MAGI2: variants seen among roughly 807,000 people sequenced by gnomAD.
The protein encoded by MAGI2 is membrane associated guanylate kinase, WW and PDZ domain containing 2.
Under a neutral mutation model 133.3 loss-of-function variants are expected in MAGI2, and 35 were observed. The observed-to-expected ratio is 0.26, with a 90% CI of 0.20 to 0.35. The LOEUF (loss-of-function observed/expected upper bound fraction) is 0.35. Among genes scored for constraint, MAGI2 ranks in the 10% least tolerant of loss-of-function variants. MAGI2 has a pLI of 1.00. For missense variants in MAGI2, 1,636 were observed against 1,863.4 expected (o/e 0.88, Z 2.25); for synonymous variants, 729 against 710.6 (o/e 1.03, Z -0.41).
At chr7:78,806,494 TGAGA>T (rs1788586669) in intron 2 of MAGI2, among the ~76,000 whole-genome samples, 1 of 152,156 alleles carries the variant, frequency 6.6e-6, no homozygotes, top group Non-Finnish European at 1.5e-5. Flanking sequence ...CTTTTATCAA[TGAGA>T]GAATCACATG....
At chr7:79,382,922 A>T (rs773031160) in intron 1 of MAGI2, among the ~76,000 whole-genome samples, 8 of 151,614 alleles carry the variant, frequency 5.3e-5, no homozygotes, top group Non-Finnish European at 8.9e-5. Context: ...CTGAAAAACA[A>T]ATCTTTGTAG....
At chr7:78,619,496 TTTAAG>T (rs773398379) in intron 3 of MAGI2, among the ~76,000 whole-genome samples, 1 of 151,966 alleles carries the variant, frequency 6.6e-6, no homozygotes, top group Non-Finnish European at 1.5e-5. Context: ...GATATTAGTC[TTTAAG>T]TTAATAATTT....
chr7:78,603,586 G>A (rs1483188073), intron 3 of MAGI2, among the ~76,000 whole-genome samples: 2 of 152,118 alleles, frequency 1.3e-5, no homozygotes, highest in Non-Finnish European at 2.9e-5. Flanking sequence ...TGCACGACGC[G>A]ATGTCAGCTC....
intron 20 of MAGI2, among the ~76,000 whole-genome samples, chr7:78,122,383 T>C: frequency 6.6e-6 from 1 of 152,148 alleles, no homozygotes; most frequent in East Asian, 1.9e-4. Context: ...TTTCAGGGAA[T>C]GTTGCTTTTC....
At chr7:78,033,430 G>T (rs1180268866) in intron 21 of MAGI2, among the ~76,000 whole-genome samples, 3 of 141,446 alleles carry the variant, frequency 2.1e-5, no homozygotes, top group Non-Finnish European at 4.5e-5. Context: ...CCATGATCAT[G>T]CCACTGCACT....
At chr7:78,526,070 C>T (rs1013921323) in intron 3 of MAGI2, among the ~76,000 whole-genome samples, 2 of 152,138 alleles carry the variant, frequency 1.3e-5, no homozygotes, top group Non-Finnish European at 2.9e-5. Flanking sequence ...GAGACTAAGA[C>T]GTTAAACTAT....
intron 9 of MAGI2, among the ~76,000 whole-genome samples, chr7:78,328,533 CT>C (rs1226074996): frequency 6.4e-3 from 78 of 12,158 alleles, no homozygotes; most frequent in Non-Finnish European, 9.9e-3. Flanking sequence ...ACACACACCC[CT>C]CTCTCTCTCT....
intron 2 of MAGI2, among the ~76,000 whole-genome samples, chr7:78,785,040 G>T (rs984533215): frequency 6.6e-5 from 10 of 151,936 alleles, no homozygotes; most frequent in Admixed American, 2.0e-4. Flanking sequence ...AGTTATTAGG[G>T]GATAAATGTT....
At chr7:79,032,255 G>A (rs1810661313) in intron 1 of MAGI2, among the ~76,000 whole-genome samples, 1 of 152,036 alleles carries the variant, frequency 6.6e-6, no homozygotes, top group East Asian at 1.9e-4. Flanking sequence ...GGTGGTTCAC[G>A]CCTGTAATCC....
chr7:78,595,980 G>A (rs144962315), intron 3 of MAGI2, among the ~76,000 whole-genome samples: 1 of 152,102 alleles, frequency 6.6e-6, no homozygotes, highest in Non-Finnish European at 1.5e-5. Context: ...AAAGAAATAT[G>A]CATGAATTGG....
At position 79,380,088 on chromosome 7, in the gene MAGI2, C is replaced by G. The variant is rs71555041; in HGVS notation, c.301+72932G>C. On this transcript the variant is annotated intron_variant, in intron 1 of 21. Coordinates refer to ENST00000354212, the MANE Select transcript of MAGI2 (RefSeq NM_012301.4). ...ATACCATTCAGGACATAGGCATGGG[C>G]AAGGACTTCATGTCTAAGACACCAA... Among the ~76,000 whole-genome samples the G allele has an allele frequency of 3.2e-3, 479 of 151,902 alleles. 1 individual carries two copies. Among genetic ancestry groups the G allele is most frequent in the Non-Finnish European group, 5.5e-3 (375 of 67,842 alleles).
chr7:78,321,120 G>C (rs1787957899), intron 9 of MAGI2, among the ~76,000 whole-genome samples: 1 of 152,086 alleles, frequency 6.6e-6, no homozygotes, highest in Non-Finnish European at 1.5e-5. Flanking sequence ...AAATCAGAGA[G>C]GACACAAACA....
At chr7:78,748,219 G>T (rs1585278422) in intron 2 of MAGI2, among the ~76,000 whole-genome samples, 1 of 152,014 alleles carries the variant, frequency 6.6e-6, no homozygotes, top group East Asian at 1.9e-4. Flanking sequence ...AGGACTTAGT[G>T]ATGAATATTG....
chr7:79,402,663 A>G (rs1345128914), intron 1 of MAGI2, among the ~76,000 whole-genome samples: 3 of 152,078 alleles, frequency 2.0e-5, no homozygotes, highest in African/African-American at 7.2e-5. Flanking sequence ...TATTTGTTTC[A>G]TTTAAAAATG....
intron 9 of MAGI2, among the ~76,000 whole-genome samples, chr7:78,299,286 T>C (rs1797619627): frequency 6.6e-6 from 1 of 152,190 alleles, no homozygotes; most frequent in Non-Finnish European, 1.5e-5. Flanking sequence ...AGATAGAAAA[T>C]TTAAGCAGTG....
In MAGI2 at chr7:79,214,778, TA is replaced by T. The variant is rs543754000; in HGVS notation, c.302-207573del. Reference sequence around the variant, plus strand: ...ATATATGATATATAAATAGATAATATAAAAATATATATTAATATAGATAATA... The same window carrying T: ...ATATATGATATATAAATAGATAATATAAAATATATATTAATATAGATAATA... On this transcript the variant is annotated intron_variant, in intron 1 of 21. Transcript: ENST00000354212. Among the ~76,000 whole-genome samples, 1,337 of 140,756 alleles carry T rather than the reference TA, an allele frequency of 9.5e-3. 31 individuals carry two copies. The highest frequency in any genetic ancestry group is 0.032 in the African/African-American group (1,215 of 38,488). 92.3% of individuals were successfully genotyped at this position (140,756 alleles called of 152,430 possible). A position where few individuals can be genotyped will look rare whatever the true frequency, so the allele number is the denominator to read the frequency against.
intron 14 of MAGI2, 55 bp downstream of exon 14, chr7:78,177,956 G>T: frequency 8.3e-7 from 1 of 1,204,172 alleles, no homozygotes; most frequent in Non-Finnish European, 1.2e-6. Context: ...ATTTTCCCTG[G>T]TGTTTACTCA....
intron 20 of MAGI2, among the ~76,000 whole-genome samples, chr7:78,097,574 A>T (rs1042778871): frequency 6.6e-6 from 1 of 152,202 alleles, no homozygotes; most frequent in Non-Finnish European, 1.5e-5. Flanking sequence ...CAGAAATCCA[A>T]ATACTGCATG....
intron 12 of MAGI2, among the ~76,000 whole-genome samples, chr7:78,190,865 A>G (rs1828141021): frequency 6.6e-6 from 1 of 152,228 alleles, no homozygotes; most frequent in African/African-American, 2.4e-5. Context: ...GGAAAAAGAC[A>G]GAGAAAAGAG....
Sources: gnomAD v4.1 joint callset for allele counts (sites outside exome capture counted in the v4.1 genomes callset) on GRCh38, gnomAD v4.1.1 for gene constraint, MANE v1.5 for transcripts, NCBI Gene and HGNC (gene_info 2026-07-23, HGNC 2026-07-21) for gene names.